CLSTN2: variants seen among roughly 807,000 people sequenced by gnomAD.
The protein encoded by CLSTN2 is calsyntenin 2.
A neutral mutation model predicts 101.2 loss-of-function variants in CLSTN2; 48 were observed. The ratio of observed to expected loss-of-function variants is 0.47; its 90% CI spans 0.38 to 0.60. CLSTN2 has a LOEUF of 0.60. Ranked by LOEUF, CLSTN2 falls within the 20% of genes least tolerant of loss-of-function variation. The pLI is 0.00. For synonymous variants in CLSTN2, 481 were observed against 463.6 expected (o/e 1.04, Z -0.48); for missense variants, 1,160 against 1,238.2 (o/e 0.94, Z 0.95).
At chr3:140,270,923 G>A (rs965638780) in intron 2 of CLSTN2, among the ~76,000 whole-genome samples, 9 of 152,154 alleles carry the variant, frequency 5.9e-5, no homozygotes, top group African/African-American at 2.2e-4. Flanking sequence ...ACCTGGGAAG[G>A]TGTCTGCATT....
intron 1 of CLSTN2, among the ~76,000 whole-genome samples, chr3:140,124,476 G>A (rs2009398285): frequency 6.6e-6 from 1 of 152,312 alleles, no homozygotes; most frequent in Admixed American, 6.5e-5. Flanking sequence ...GAGGTGGTGA[G>A]AAGTGGATGA....
intron 1 of CLSTN2, among the ~76,000 whole-genome samples, chr3:140,101,812 G>A (rs146333982): frequency 3.9e-5 from 6 of 152,288 alleles, no homozygotes; most frequent in East Asian, 1.9e-4. Flanking sequence ...GATGGAAAAG[G>A]CACAACTGCT....
At chr3:140,529,208 G>A (rs1004286535) in intron 8 of CLSTN2, among the ~76,000 whole-genome samples, 9 of 152,146 alleles carry the variant, frequency 5.9e-5, no homozygotes, top group African/African-American at 1.7e-4. Flanking sequence ...CTCCTTTGGC[G>A]TTGTCCCTGC....
chr3:140,165,374 A>G (rs1345188274), intron 1 of CLSTN2, among the ~76,000 whole-genome samples: 1 of 152,164 alleles, frequency 6.6e-6, no homozygotes, highest in Non-Finnish European at 1.5e-5. Flanking sequence ...GTGACTCACT[A>G]TATGCTGGGC....
At chr3:140,373,339 G>A (rs531495309) in intron 2 of CLSTN2, among the ~76,000 whole-genome samples, 1 of 152,292 alleles carries the variant, frequency 6.6e-6, no homozygotes, top group African/African-American at 2.4e-5. Context: ...ATTAGAGAAA[G>A]ATGGCCTCTT....
At chr3:140,276,599 C>T (rs2107893437) in intron 2 of CLSTN2, among the ~76,000 whole-genome samples, 1 of 152,284 alleles carries the variant, frequency 6.6e-6, no homozygotes, top group South Asian at 2.1e-4. Context: ...ATGGTACAGT[C>T]ATGAACAGGT....
intron 2 of CLSTN2, among the ~76,000 whole-genome samples, chr3:140,375,594 T>C (rs1435253340): frequency 6.6e-6 from 1 of 152,240 alleles, no homozygotes; most frequent in East Asian, 1.9e-4. Context: ...GTATTTTAAT[T>C]GTTCTCAGCT....
intron 1 of CLSTN2, among the ~76,000 whole-genome samples, chr3:140,123,390 G>A (rs1576435397): frequency 6.6e-6 from 1 of 152,212 alleles, no homozygotes; most frequent in Non-Finnish European, 1.5e-5. Context: ...CAAACATTTA[G>A]ACTGTAACAA....
chr3:140,299,449 A>G (rs540429552), intron 2 of CLSTN2, among the ~76,000 whole-genome samples: 118 of 152,220 alleles, frequency 7.8e-4, no homozygotes, highest in African/African-American at 2.8e-3. Context: ...ATGTATCTAC[A>G]TGCATATTCA....
rs1396919696 is a variant in CLSTN2, at chr3:140,419,756, T to C, written c.638-1369T>C. On this transcript the variant is annotated intron_variant, in intron 4 of 16. Coordinates refer to ENST00000458420, the MANE Select transcript of CLSTN2 (RefSeq NM_022131.3). The stretch of plus-strand genomic sequence containing the variant: ...ATGTATATACGTATATATACACATA[T>C]ACGTGTATACACGTGTATACACGTA... Among the ~76,000 whole-genome samples the C allele has an allele frequency of 3.0e-5, 2 of 67,150 alleles. 1 individual carries two copies. The highest frequency in any genetic ancestry group is 3.2e-4 in the African/African-American group (2 of 6,244). The allele number at this position is 67,150 out of a possible 152,430, so 44.1% of individuals were successfully genotyped here.
intron 2 of CLSTN2, among the ~76,000 whole-genome samples, chr3:140,257,718 A>C (rs934240043): frequency 6.6e-6 from 1 of 152,156 alleles, no homozygotes; most frequent in African/African-American, 2.4e-5. Flanking sequence ...CTGTTCTGAC[A>C]CATTGATGTG....
At chr3:140,247,176 T>A (rs1318343993) in intron 2 of CLSTN2, among the ~76,000 whole-genome samples, 1 of 152,204 alleles carries the variant, frequency 6.6e-6, no homozygotes, top group Non-Finnish European at 1.5e-5. Context: ...GACTTGGTTA[T>A]CAGTTCTATC....
chr3:140,294,671 A>G (rs1010644082), intron 2 of CLSTN2, among the ~76,000 whole-genome samples: 3 of 151,964 alleles, frequency 2.0e-5, no homozygotes, highest in Admixed American at 1.3e-4. Context: ...GCCATCAATG[A>G]ACACTCATTT....
intron 10 of CLSTN2, among the ~76,000 whole-genome samples, chr3:140,551,002 T>C (rs1935690195): frequency 6.6e-6 from 1 of 152,018 alleles, no homozygotes; most frequent in Non-Finnish European, 1.5e-5. Flanking sequence ...TGTATGTTCA[T>C]TATCCCTACT....
At chr3:139,997,910 G>A (rs1362374814) in intron 1 of CLSTN2, among the ~76,000 whole-genome samples, 1 of 152,034 alleles carries the variant, frequency 6.6e-6, no homozygotes, top group Admixed American at 6.5e-5. Context: ...AATGTGTTAT[G>A]TCTCTCCATG....
chr3:140,345,323 A>G (rs1475587788), intron 2 of CLSTN2, among the ~76,000 whole-genome samples: 2 of 146,182 alleles, frequency 1.4e-5, no homozygotes, highest in Non-Finnish European at 3.0e-5. Flanking sequence ...ATCTCGGCTC[A>G]CTGCAACCTA....
Position 140,482,335 on chromosome 3 carries a change from C to G in CLSTN2, c.1344+15604C>G, listed in dbSNP as rs891156565. ...GGTGGATAAGCTTTTTGATGTGCTGCTGGATTCAGTTTGCCAGTATTTTAT... is the reference window on the plus strand; with the variant it reads ...GGTGGATAAGCTTTTTGATGTGCTGGTGGATTCAGTTTGCCAGTATTTTAT... On this transcript the variant is annotated intron_variant, in intron 8 of 16. Coordinates refer to ENST00000458420, the MANE Select transcript of CLSTN2 (RefSeq NM_022131.3). Among the ~76,000 whole-genome samples, 30 of 152,174 alleles carry G rather than the reference C, an allele frequency of 2.0e-4. 2 individuals carry two copies. The highest frequency in any genetic ancestry group is 3.7e-4 in the Non-Finnish European group (25 of 68,040).
At chr3:140,114,292 TC>T (rs1355975341) in intron 1 of CLSTN2, among the ~76,000 whole-genome samples, 1 of 152,244 alleles carries the variant, frequency 6.6e-6, no homozygotes, top group Non-Finnish European at 1.5e-5. Flanking sequence ...ATATGTTGTT[TC>T]TTTGCCAAGA....
At chr3:140,445,360 G>C (rs182355284) in intron 5 of CLSTN2, among the ~76,000 whole-genome samples, 42 of 152,324 alleles carry the variant, frequency 2.8e-4, no homozygotes, top group African/African-American at 9.9e-4. Context: ...GATGCCTGCA[G>C]CCTCTGCTGA....
Sources: gnomAD v4.1 joint callset for allele counts (sites outside exome capture counted in the v4.1 genomes callset) on GRCh38, gnomAD v4.1.1 for gene constraint, MANE v1.5 for transcripts, NCBI Gene and HGNC (gene_info 2026-07-23, HGNC 2026-07-21) for gene names.